The following FAT3 variants were observed in gnomAD, a reference collection of about 807,000 sequenced individuals.
FAT3 encodes protocadherin Fat 3.
FAT3 carries 95 observed loss-of-function variants against 310.2 expected under a neutral mutation model. The observed-to-expected ratio is 0.31, with a 90% CI of 0.26 to 0.36. FAT3 has a LOEUF of 0.36. Among genes scored for constraint, FAT3 ranks in the 10% least tolerant of loss-of-function variants. The pLI is 1.00. For missense variants in FAT3, 5,408 were observed against 5,715.6 expected (o/e 0.95, Z 1.74); for synonymous variants, 2,314 against 2,192.9 (o/e 1.06, Z -1.54).
intron 2 of FAT3, among the ~76,000 whole-genome samples, chr11:92,382,593 C>T (rs1453525860): frequency 6.6e-6 from 1 of 152,134 alleles, no homozygotes; most frequent in African/African-American, 2.4e-5. Context: ...AATCCTTCTG[C>T]CACCATCTAG....
intron 4 of FAT3, among the ~76,000 whole-genome samples, chr11:92,740,762 A>C (rs530676706): frequency 1.3e-5 from 2 of 152,322 alleles, no homozygotes; most frequent in African/African-American, 4.8e-5. Context: ...ATAATGAAAG[A>C]GATATTAGAA....
At chr11:92,756,204 C>T (rs1324573200) in intron 4 of FAT3, among the ~76,000 whole-genome samples, 1 of 152,162 alleles carries the variant, frequency 6.6e-6, no homozygotes, top group African/African-American at 2.4e-5. Flanking sequence ...CAGATAATAC[C>T]AAACCCTATA....
chr11:92,520,468 G>A (rs1000797801), intron 2 of FAT3, among the ~76,000 whole-genome samples: 1 of 152,004 alleles, frequency 6.6e-6, no homozygotes, highest in East Asian at 1.9e-4. Flanking sequence ...GACATGGACA[G>A]GTTATTGTAT....
At chr11:92,625,422 T>C (rs1941284061) in intron 3 of FAT3, among the ~76,000 whole-genome samples, 1 of 152,116 alleles carries the variant, frequency 6.6e-6, no homozygotes, top group African/African-American at 2.4e-5. Context: ...ATGACATTAA[T>C]CCATGTTTCA....
At chr11:92,504,931 T>C (rs1398117026) in intron 2 of FAT3, among the ~76,000 whole-genome samples, 1 of 152,138 alleles carries the variant, frequency 6.6e-6, no homozygotes, top group Middle Eastern at 3.2e-3. Flanking sequence ...ATGTCTGTTT[T>C]GGAATTAATG....
intron 4 of FAT3, among the ~76,000 whole-genome samples, chr11:92,752,853 C>T (rs1365814001): frequency 6.6e-6 from 1 of 151,992 alleles, no homozygotes; most frequent in African/African-American, 2.4e-5. Flanking sequence ...CTATCCTGGC[C>T]ATCGTATTTT....
intron 3 of FAT3, among the ~76,000 whole-genome samples, chr11:92,570,224 G>A (rs914901750): frequency 2.0e-5 from 3 of 152,166 alleles, no homozygotes; most frequent in Non-Finnish European, 4.4e-5. Flanking sequence ...TCCAGTGTCT[G>A]CCAAGTGGTA....
chr11:92,308,671 C>G (rs1241556802), intron 1 of FAT3, among the ~76,000 whole-genome samples: 1 of 152,046 alleles, frequency 6.6e-6, no homozygotes, highest in African/African-American at 2.4e-5. Context: ...TGGAACAGCC[C>G]TCTGGTCATC....
chr11:92,887,183 G>A, intron 25 of FAT3, 70 bp downstream of exon 25: 1 of 1,344,296 alleles, frequency 7.4e-7, no homozygotes, highest in Non-Finnish European at 1.0e-6. Flanking sequence ...ATGGTTGGGA[G>A]GAGGGTGGTG....
At position 92,801,782 on chromosome 11, in the gene FAT3, C is replaced by G. The variant is rs770763878; in HGVS notation, c.8769C>G (p.Val2923=). 6.2e-7 allele frequency: 1 copy of G among 1,613,930 alleles called. No individual in the cohort carries two copies. Among genetic ancestry groups the G allele is most frequent in the Non-Finnish European group, 8.5e-7 (1 of 1,179,872 alleles). ...CAGATATAAATGACAATGCACCAGT[C>G]TTCGCGCAGGAAGTGTACCGAGGGA... The part of the protein sequence containing the change: ...RVTDINDNAP[V]FAQEVYRGNV... The change falls in exon 10 of 28, where the codon GTC becomes GTG. Residue 2923 remains valine (V), a synonymous_variant. Transcript: ENST00000525166.
chr11:92,638,788 ACCTGTTAAT>A (rs1209958063), intron 3 of FAT3, among the ~76,000 whole-genome samples: 1 of 152,174 alleles, frequency 6.6e-6, no homozygotes, highest in Non-Finnish European at 1.5e-5. Context: ...GATTTCCAAT[ACCTGTTAAT>A]CCCTTCTTGT....
chr11:92,541,070 G>T (rs539981643), intron 3 of FAT3, among the ~76,000 whole-genome samples: 131 of 152,110 alleles, frequency 8.6e-4, no homozygotes, highest in Non-Finnish European at 1.4e-3. Flanking sequence ...ATAGAGAAAA[G>T]AGTACTTCTT....
At chr11:92,673,162 T>A (rs1233391526) in intron 3 of FAT3, among the ~76,000 whole-genome samples, 3 of 152,226 alleles carry the variant, frequency 2.0e-5, no homozygotes, top group Non-Finnish European at 4.4e-5. Context: ...TTTTTCATAT[T>A]GATTTTAAAA....
intron 13 of FAT3, 91 bp downstream of exon 13, chr11:92,810,167 A>C: frequency 8.5e-7 from 1 of 1,172,042 alleles, no homozygotes; most frequent in Non-Finnish European, 1.2e-6. Context: ...ACCTTAATCA[A>C]CCCCCTTGGT....
At chr11:92,306,422 G>C (rs1947117307) in intron 1 of FAT3, among the ~76,000 whole-genome samples, 1 of 143,656 alleles carries the variant, frequency 7.0e-6, no homozygotes, top group South Asian at 2.1e-4. Flanking sequence ...TTCAGTTTTA[G>C]TACCCTTCCC....
At chr11:92,626,875 T>C (rs954987289) in intron 3 of FAT3, among the ~76,000 whole-genome samples, 8 of 152,190 alleles carry the variant, frequency 5.3e-5, no homozygotes, top group African/African-American at 1.9e-4. Flanking sequence ...TGTTCTGCTA[T>C]GGAGGGAGCC....
intron 7 of FAT3, among the ~76,000 whole-genome samples, chr11:92,778,132 G>A (rs1946642458): frequency 6.6e-6 from 1 of 152,170 alleles, no homozygotes; most frequent in South Asian, 2.1e-4. Context: ...GGTAGAATTT[G>A]TCAAGGGCTC....
At chr11:92,737,526 T>C (rs1277928690) in intron 4 of FAT3, among the ~76,000 whole-genome samples, 1 of 152,030 alleles carries the variant, frequency 6.6e-6, no homozygotes, top group African/African-American at 2.4e-5. Context: ...TGTACGTGTG[T>C]GTGTGTGTGT....
chr11:92,472,070 CAT>C (rs940362407), intron 2 of FAT3, among the ~76,000 whole-genome samples: 7 of 151,358 alleles, frequency 4.6e-5, no homozygotes, highest in Non-Finnish European at 7.4e-5. Flanking sequence ...ATGGAATAAA[CAT>C]ATCAAAAAGT....
Sources: gnomAD v4.1 joint callset for allele counts (sites outside exome capture counted in the v4.1 genomes callset) on GRCh38, gnomAD v4.1.1 for gene constraint, MANE v1.5 for transcripts, NCBI Gene and HGNC (gene_info 2026-07-23, HGNC 2026-07-21) for gene names.